ROR1: variants seen among roughly 807,000 people sequenced by gnomAD.
ROR1 encodes the protein inactive tyrosine-protein kinase transmembrane receptor ROR1.
A neutral mutation model predicts 78.8 loss-of-function variants in ROR1; 19 were observed. The ratio of observed to expected loss-of-function variants is 0.24; its 90% CI spans 0.17 to 0.35. The LOEUF (loss-of-function observed/expected upper bound fraction) is 0.35. Ranked by LOEUF, ROR1 falls within the 10% of genes least tolerant of loss-of-function variation. The probability of loss-of-function intolerance (pLI) is 1.00; values close to 1 mark genes in which losing one functional copy is unlikely to be tolerated. For missense variants in ROR1, 917 were observed against 1,177.8 expected (o/e 0.78, Z 3.24); for synonymous variants, 386 against 433.6 (o/e 0.89, Z 1.36).
At chr1:63,913,687 C>T (rs1419765361) in intron 1 of ROR1, among the ~76,000 whole-genome samples, 1 of 152,128 alleles carries the variant, frequency 6.6e-6, no homozygotes, top group Non-Finnish European at 1.5e-5. Flanking sequence ...GCCACAACAC[C>T]CCGTGATTCT....
intron 1 of ROR1, among the ~76,000 whole-genome samples, chr1:63,968,178 G>A (rs17125884): frequency 0.03 from 4,597 of 152,138 alleles, 236 homozygotes; most frequent in African/African-American, 0.1. Flanking sequence ...ATGTTCTAGC[G>A]AAATAGCCTG....
At chr1:63,792,505 GA>G (rs201132261) in intron 1 of ROR1, among the ~76,000 whole-genome samples, 1 of 152,114 alleles carries the variant, frequency 6.6e-6, no homozygotes, top group East Asian at 1.9e-4. Flanking sequence ...GGTTTGGAAA[GA>G]AAAAAAATCT....
rs911554574 is a variant in ROR1 at position 64,142,343 on chromosome 1, A to C, written c.929-62A>C. The C allele has an allele frequency of 2.5e-6, 4 of 1,595,314 alleles. No homozygotes were observed. In the African/African-American group the frequency reaches 5.4e-5, roughly 21 times the overall value. Reference sequence around the variant, plus strand: ...CTCCCCTCCAGAAACTGCTGGCTAGAGGAGAGCTCCAGCATCTCCTATGTT... The same window carrying C: ...CTCCCCTCCAGAAACTGCTGGCTAGCGGAGAGCTCCAGCATCTCCTATGTT... On this transcript the variant is annotated intron_variant, in intron 6 of 8. Transcript: ENST00000371079.
chr1:63,998,289 T>G (rs1436763370), intron 1 of ROR1, among the ~76,000 whole-genome samples: 4 of 144,596 alleles, frequency 2.8e-5, no homozygotes, highest in Admixed American at 2.0e-4. Flanking sequence ...AATTTAAGGT[T>G]TTTTTTTTTT....
chr1:63,990,830 G>A lies in ROR1; in HGVS notation c.92-18475G>A, dbSNP rs900176679. On this transcript the variant is annotated intron_variant, in intron 1 of 8. Transcript: ENST00000371079. ...AAAACAAAAAGTGAAGGAGAGGGAGGAGTAACTCATTTCTTGGCATTTTAA... is the reference window on the plus strand; with the variant it reads ...AAAACAAAAAGTGAAGGAGAGGGAGAAGTAACTCATTTCTTGGCATTTTAA... 4.6e-5 allele frequency among the ~76,000 whole-genome samples: 7 copies of A among 152,206 alleles called. No individual in the cohort carries two copies. The East Asian group carries it at 5.8e-4, about 13-fold the overall frequency.
chr1:63,795,758 G>A (rs1347556813), intron 1 of ROR1, among the ~76,000 whole-genome samples: 1 of 152,120 alleles, frequency 6.6e-6, no homozygotes, highest in Non-Finnish European at 1.5e-5. Context: ...ATATCTTGCC[G>A]CTACTGGAAT....
At chr1:63,860,772 G>GAAA (rs1319567628) in intron 1 of ROR1, among the ~76,000 whole-genome samples, 11 of 116,754 alleles carry the variant, frequency 9.4e-5, no homozygotes, top group Non-Finnish European at 9.2e-5. Context: ...CTGTCTCGGG[G>GAAA]AAAAAAAAAA....
rs376584344 is a variant in ROR1, at chr1:63,970,417, C to A, written c.92-38888C>A. On this transcript the variant is annotated intron_variant, in intron 1 of 8. Coordinates refer to ENST00000371079, the MANE Select transcript of ROR1 (RefSeq NM_005012.4). The stretch of plus-strand genomic sequence containing the variant: ...TTTCTCCGGATGACATTAGTCTGGA[C>A]ATAAAAGTAAGGTTACACAGTAATA... 3.7e-4 allele frequency among the ~76,000 whole-genome samples: 56 copies of A among 152,268 alleles called. 1 individual carries two copies. The South Asian group carries it at 0.011, about 30-fold the overall frequency.
chr1:63,911,613 G>A (rs186300425), intron 1 of ROR1, among the ~76,000 whole-genome samples: 69 of 151,594 alleles, frequency 4.6e-4, no homozygotes, highest in Admixed American at 1.4e-3. Flanking sequence ...TAGAAAAACT[G>A]TCTTTCATGA....
intron 1 of ROR1, among the ~76,000 whole-genome samples, chr1:63,939,636 G>A (rs1033367250): frequency 6.6e-6 from 1 of 152,078 alleles, no homozygotes; most frequent in Non-Finnish European, 1.5e-5. Context: ...TTTACAGTTC[G>A]CCAGCTGTGT....
chr1:63,934,731 G>T (rs1240058631), intron 1 of ROR1, among the ~76,000 whole-genome samples: 1 of 152,116 alleles, frequency 6.6e-6, no homozygotes, highest in African/African-American at 2.4e-5. Context: ...TTTGGCTTTT[G>T]AGATATCAGG....
At chr1:64,141,679 C>T (rs779515495) in intron 6 of ROR1, among the ~76,000 whole-genome samples, 2 of 152,092 alleles carry the variant, frequency 1.3e-5, no homozygotes, top group Non-Finnish European at 2.9e-5. Context: ...TTAATCTCAC[C>T]GGCAATTTTT....
rs537679483 is a variant in ROR1, at chr1:63,983,289, A to T, written c.92-26016A>T. Among the ~76,000 whole-genome samples the T allele has an allele frequency of 2.0e-5, 3 of 152,284 alleles. No individual in the cohort carries two copies. The East Asian group carries it at 5.8e-4, about 29-fold the overall frequency. ...CTGAATTGCTCTTTAAGACTTTTTT[A>T]TTCTTTACTACTTTCCCAAGTTGCC... On this transcript the variant is annotated intron_variant, in intron 1 of 8. Transcript: ENST00000371079.
At chr1:64,071,007 A>T (rs1189302682) in intron 4 of ROR1, among the ~76,000 whole-genome samples, 2 of 152,214 alleles carry the variant, frequency 1.3e-5, no homozygotes, top group Non-Finnish European at 2.9e-5. Context: ...GGAAAGAAAG[A>T]TTATTCTAGG....
In ROR1 at chr1:64,068,338, A is replaced by AT. The variant is rs890560308; in HGVS notation, c.482+17631dup. 3.4e-4 allele frequency among the ~76,000 whole-genome samples: 51 copies of AT among 151,418 alleles called. 1 individual carries two copies. The highest frequency in any genetic ancestry group is 8.0e-4 in the African/African-American group (33 of 41,312). ...GTGCAAAAATGTAAATCATATTGCC[A>AT]TTTTTTTTTACTTTGATTATTATTT... is the stretch of plus-strand genomic sequence containing the variant. On this transcript the variant is annotated intron_variant, in intron 4 of 8. Transcript: ENST00000371079.
intron 4 of ROR1, among the ~76,000 whole-genome samples, chr1:64,057,291 C>G (rs1258192238): frequency 6.6e-6 from 1 of 152,118 alleles, no homozygotes; most frequent in African/African-American, 2.4e-5. Flanking sequence ...TCTTGGCACT[C>G]TGTTAAACCA....
intron 1 of ROR1, among the ~76,000 whole-genome samples, chr1:63,986,728 C>A (rs916574684): frequency 1.9e-4 from 29 of 151,846 alleles, no homozygotes; most frequent in African/African-American, 7.0e-4. Context: ...ACTCTCTCTA[C>A]ACAGAAAATT....
intron 4 of ROR1, among the ~76,000 whole-genome samples, chr1:64,097,090 T>C (rs1051857724): frequency 6.6e-6 from 1 of 152,160 alleles, no homozygotes; most frequent in Non-Finnish European, 1.5e-5. Context: ...CACAAACTTG[T>C]TGACTGTCTT....
intron 1 of ROR1, among the ~76,000 whole-genome samples, chr1:63,822,022 G>A (rs1296413699): frequency 2.0e-5 from 3 of 152,180 alleles, no homozygotes; most frequent in South Asian, 2.1e-4. Flanking sequence ...GATGATAAAA[G>A]CATTTAGTAA....
Sources: gnomAD v4.1 joint callset for allele counts (sites outside exome capture counted in the v4.1 genomes callset) on GRCh38, gnomAD v4.1.1 for gene constraint, MANE v1.5 for transcripts, NCBI Gene and HGNC (gene_info 2026-07-23, HGNC 2026-07-21) for gene names.